The following MAGI2 variants were observed in gnomAD, a reference collection of about 807,000 sequenced individuals.
The protein encoded by MAGI2 is membrane associated guanylate kinase, WW and PDZ domain containing 2, also known as membrane-associated guanylate kinase, WW and PDZ domain-containing protein 2.
MAGI2 carries 35 observed loss-of-function variants against 133.3 expected under a neutral mutation model. The ratio of observed to expected loss-of-function variants is 0.26; its 90% confidence interval spans 0.20 to 0.35. The LOEUF (loss-of-function observed/expected upper bound fraction) is 0.35, where lower values mean the gene tolerates loss of function less well. Ranked by LOEUF, MAGI2 falls within the 10% of genes least tolerant of loss-of-function variation. The probability of loss-of-function intolerance (pLI) is 1.00; values close to 1 mark genes in which losing one functional copy is unlikely to be tolerated. For synonymous variants in MAGI2, 729 were observed against 710.6 expected, an observed-to-expected ratio of 1.03 and a Z score of -0.41; for missense variants, 1,636 against 1,863.4, an observed-to-expected ratio of 0.88 and a Z score of 2.25.
intron 10 of MAGI2, among the ~76,000 whole-genome samples, chr7:78,240,085 C>T (rs1584519023): frequency 2.0e-5 from 3 of 152,178 alleles, no homozygotes; most frequent in Admixed American, 2.0e-4. Flanking sequence ...CTGCACCCAT[C>T]AACTCGTCAT....
At chr7:79,025,999 T>C (rs1159256332) in intron 1 of MAGI2, among the ~76,000 whole-genome samples, 2 of 152,196 alleles carry the variant, frequency 1.3e-5, no homozygotes, top group African/African-American at 4.8e-5. Flanking sequence ...ACTAGTGTTT[T>C]AGGGACCACT....
In MAGI2 at chr7:78,119,285, G is replaced by T. The variant is rs28880428; in HGVS notation, c.3567+6409C>A. The stretch of plus-strand genomic sequence containing the variant: ...CATAGAATGTACGACACCGGCCGGG[G>T]GCAGTGGCTCACGCCTGTAAATCCC... On this transcript the variant is annotated intron_variant, in intron 20 of 21. Transcript: ENST00000354212. 5.9e-5 allele frequency among the ~76,000 whole-genome samples: 9 copies of T among 152,188 alleles called. No individual in the cohort carries two copies. In the South Asian group the frequency reaches 6.2e-4, roughly 11 times the overall value.
At chr7:78,224,933 G>GT (rs1789218039) in intron 10 of MAGI2, among the ~76,000 whole-genome samples, 1 of 152,042 alleles carries the variant, frequency 6.6e-6, no homozygotes, top group Admixed American at 6.5e-5. Context: ...GTCATTCCCA[G>GT]CAGAGAAATA....
intron 20 of MAGI2, among the ~76,000 whole-genome samples, chr7:78,097,352 A>G (rs1018919931): frequency 9.2e-5 from 14 of 152,174 alleles, no homozygotes; most frequent in Non-Finnish European, 2.9e-5. Context: ...TATAATAAAG[A>G]CACATGCATG....
intron 1 of MAGI2, among the ~76,000 whole-genome samples, chr7:79,234,758 A>G (rs1831719856): frequency 6.7e-6 from 1 of 150,356 alleles, no homozygotes; most frequent in South Asian, 2.1e-4. Flanking sequence ...CGTAGCTCAG[A>G]GTAATTTGAT....
At chr7:78,968,078 G>A (rs1305743364) in intron 2 of MAGI2, among the ~76,000 whole-genome samples, 2 of 152,076 alleles carry the variant, frequency 1.3e-5, no homozygotes, top group African/African-American at 4.8e-5. Context: ...TGATCCTCCT[G>A]CCTCAACTTC....
intron 1 of MAGI2, among the ~76,000 whole-genome samples, chr7:79,325,958 C>T (rs1311847680): frequency 6.6e-6 from 1 of 152,118 alleles, no homozygotes; most frequent in Non-Finnish European, 1.5e-5. Context: ...GGGTTCTGCA[C>T]TTCAACTCGT....
chr7:79,404,453 G>A (rs1002249434), intron 1 of MAGI2, among the ~76,000 whole-genome samples: 2 of 151,842 alleles, frequency 1.3e-5, no homozygotes, highest in African/African-American at 2.4e-5. Flanking sequence ...CTCCTGCCTC[G>A]GCCTCCCAAA....
chr7:79,142,685 C>T (rs116821395), intron 1 of MAGI2, among the ~76,000 whole-genome samples: 14 of 152,088 alleles, frequency 9.2e-5, no homozygotes, highest in Non-Finnish European at 1.6e-4. Flanking sequence ...GAGAGCAAGT[C>T]CAGAGACCTG....
intron 21 of MAGI2, among the ~76,000 whole-genome samples, chr7:78,040,669 A>C (rs1345493592): frequency 6.6e-6 from 1 of 152,142 alleles, no homozygotes; most frequent in Non-Finnish European, 1.5e-5. Context: ...CTCGCCTTGG[A>C]GACAGCCCTG....
intron 2 of MAGI2, among the ~76,000 whole-genome samples, chr7:78,832,843 CA>C (rs1393651563): frequency 1.3e-5 from 2 of 152,162 alleles, no homozygotes; most frequent in African/African-American, 4.8e-5. Flanking sequence ...GACGTGCAGT[CA>C]GGGGGGTTTC....
At chr7:78,355,168 T>C (rs761367977) in intron 7 of MAGI2, among the ~76,000 whole-genome samples, 3 of 152,226 alleles carry the variant, frequency 2.0e-5, no homozygotes, top group African/African-American at 4.8e-5. Flanking sequence ...ATGGGGGATG[T>C]ATTTTCAAAT....
chr7:78,663,209 T>C (rs1224532000), intron 2 of MAGI2, among the ~76,000 whole-genome samples: 1 of 150,352 alleles, frequency 6.7e-6, no homozygotes, highest in East Asian at 1.9e-4. Context: ...ACTCTTTTTT[T>C]TTTTTTTTTT....
chr7:78,401,660 T>G (rs1264968106), intron 6 of MAGI2, among the ~76,000 whole-genome samples: 3 of 152,174 alleles, frequency 2.0e-5, no homozygotes, highest in Admixed American at 2.0e-4. Context: ...TTTATCCATG[T>G]GCTTATAGTT....
intron 2 of MAGI2, among the ~76,000 whole-genome samples, chr7:78,759,253 G>C (rs1824254613): frequency 6.6e-6 from 1 of 151,938 alleles, no homozygotes; most frequent in Non-Finnish European, 1.5e-5. Context: ...TATTACACTA[G>C]AACTTCAAAT....
Position 78,345,966 on chromosome 7 carries a change from T to C in MAGI2, c.1181A>G (p.His394Arg). Residue 394 changes from histidine (H) to arginine (R), a missense_variant, in exon 8 of 22, where the codon CAC (histidine) becomes CGC (arginine). By Grantham distance (29) the His-to-Arg change is conservative (BLOSUM62 0). Transcript: ENST00000354212. Reference protein sequence around the residue: ...KRKLQQHNMPHTELGTKPLQA... With the variant: ...KRKLQQHNMPRTELGTKPLQA... Reference sequence around the variant, plus strand: ...CAGGGGCTTTGTTCCAAGTTCTGTGTGGGGCATGTTATGTTGCTGTAGCTT... The same window carrying C: ...CAGGGGCTTTGTTCCAAGTTCTGTGCGGGGCATGTTATGTTGCTGTAGCTT... The C allele has an allele frequency of 6.2e-7, 1 of 1,614,212 alleles. No homozygotes were observed. The highest frequency in any genetic ancestry group is 8.5e-7 in the Non-Finnish European group (1 of 1,180,024).
intron 16 of MAGI2, among the ~76,000 whole-genome samples, chr7:78,157,734 A>G (rs1824537963): frequency 6.6e-6 from 1 of 152,238 alleles, no homozygotes. Context: ...CCTCAAGTGT[A>G]AATTATTGGA....
chr7:78,363,005 TTAAAA>T (rs1276061150), intron 7 of MAGI2, among the ~76,000 whole-genome samples: 2 of 152,286 alleles, frequency 1.3e-5, no homozygotes, highest in Admixed American at 6.5e-5. Flanking sequence ...TAAAAGCATA[TTAAAA>T]TAAAAGTTAA....
chr7:78,237,640 T>G (rs962436338), intron 10 of MAGI2, among the ~76,000 whole-genome samples: 11 of 152,192 alleles, frequency 7.2e-5, no homozygotes, highest in African/African-American at 2.7e-4. Context: ...ATAGGAATAT[T>G]AGTTCTTTTT....
Sources: gnomAD v4.1 joint callset for allele counts (sites outside exome capture counted in the v4.1 genomes callset) on GRCh38, gnomAD v4.1.1 for gene constraint, MANE v1.5 for transcripts, NCBI Gene and HGNC (gene_info 2026-07-23, HGNC 2026-07-21) for gene names.